EPB41L2: variants seen among roughly 807,000 people sequenced by gnomAD.
EPB41L2 encodes band 4.1-like protein 2.
Under a neutral mutation model 113.0 loss-of-function variants are expected in EPB41L2, and 43 were observed. That is an observed-to-expected ratio of 0.38 (90% CI 0.30 to 0.49). The LOEUF (loss-of-function observed/expected upper bound fraction) is 0.49. Among genes scored for constraint, EPB41L2 ranks in the 20% least tolerant of loss-of-function variants. The pLI, the probability that EPB41L2 is intolerant of heterozygous loss-of-function variation, is 0.95. For synonymous variants in EPB41L2, 442 were observed against 436.7 expected, an observed-to-expected ratio of 1.01 and a Z score of -0.15; for missense variants, 1,147 against 1,223.4, an observed-to-expected ratio of 0.94 and a Z score of 0.93.
intron 1 of EPB41L2, among the ~76,000 whole-genome samples, chr6:131,010,140 T>C (rs1050005453): frequency 6.6e-6 from 1 of 152,128 alleles, no homozygotes; most frequent in East Asian, 1.9e-4. Flanking sequence ...CATTATAGAG[T>C]TACTATTTAT....
intron 8 of EPB41L2, among the ~76,000 whole-genome samples, chr6:130,896,540 T>C (rs1794717330): frequency 6.6e-6 from 1 of 152,226 alleles, no homozygotes; most frequent in East Asian, 1.9e-4. Context: ...CCATCTCTAG[T>C]CTGAAGCAAT....
At chr6:130,979,256 TG>T (rs1778834001) in intron 1 of EPB41L2, among the ~76,000 whole-genome samples, 1 of 151,968 alleles carries the variant, frequency 6.6e-6, no homozygotes, top group African/African-American at 2.4e-5. Context: ...GAGGCTGTGG[TG>T]GGTTGACCAC....
At chr6:131,023,413 G>A (rs1208809465) in intron 1 of EPB41L2, among the ~76,000 whole-genome samples, 1 of 152,114 alleles carries the variant, frequency 6.6e-6, no homozygotes, top group African/African-American at 2.4e-5. Flanking sequence ...GGCTGGGCAC[G>A]GTGGCTCACG....
chr6:130,888,251 G>A (rs1254375207), intron 11 of EPB41L2, among the ~76,000 whole-genome samples: 1 of 152,164 alleles, frequency 6.6e-6, no homozygotes, highest in Non-Finnish European at 1.5e-5. Flanking sequence ...TTCACTGGCT[G>A]TCTGGTCATG....
chr6:131,011,239 T>C (rs1428958112), intron 1 of EPB41L2, among the ~76,000 whole-genome samples: 1 of 152,152 alleles, frequency 6.6e-6, no homozygotes, highest in East Asian at 1.9e-4. Context: ...GAGGATGAAG[T>C]AGGATAAAAC....
rs555564167 is a variant in EPB41L2, at chr6:131,016,771, CTGAACTCCAGCCTGGG to C, written c.-15+46368_-15+46383del. The stretch of plus-strand genomic sequence containing the variant: ...GTTGCAGTGAGCTGAGATCATGCCA[CTGAACTCCAGCCTGGG>C]TGACATAGGGAGACTCTCTGTCTCT... On this transcript the variant is annotated intron_variant, in intron 1 of 19. Transcript: ENST00000337057. Among the ~76,000 whole-genome samples the C allele has an allele frequency of 1.2e-3, 179 of 151,598 alleles. 4 individuals carry two copies. The highest frequency in any genetic ancestry group is 0.01 in the Admixed American group (159 of 15,216).
chr6:131,013,333 T>C (rs17059954), intron 1 of EPB41L2, among the ~76,000 whole-genome samples: 22,861 of 151,960 alleles, frequency 0.15, 2,377 homozygotes, highest in East Asian at 0.45. Flanking sequence ...GAGAAAAACA[T>C]GGATTACCAA....
At chr6:130,943,870 T>G (rs990058617) in intron 3 of EPB41L2, among the ~76,000 whole-genome samples, 1 of 152,104 alleles carries the variant, frequency 6.6e-6, no homozygotes, top group Non-Finnish European at 1.5e-5. Context: ...CCTGGTCTGA[T>G]AGCAGCTCCA....
At chr6:130,859,169 T>C (rs1413806891) in intron 18 of EPB41L2, among the ~76,000 whole-genome samples, 1 of 152,254 alleles carries the variant, frequency 6.6e-6, no homozygotes, top group Non-Finnish European at 1.5e-5. Context: ...TTATTACTCA[T>C]TTTGTTTTTA....
intron 1 of EPB41L2, chr6:131,000,749 T>C (rs901929974): frequency 1.3e-5 from 2 of 152,140 alleles, no homozygotes; most frequent in African/African-American, 2.4e-5. Flanking sequence ...TGGATTAGGA[T>C]AAACGCCTTA....
intron 1 of EPB41L2, among the ~76,000 whole-genome samples, chr6:131,039,180 AG>A (rs1393616943): frequency 7.2e-5 from 11 of 152,360 alleles, no homozygotes; most frequent in African/African-American, 2.2e-4. Context: ...CAGCATTACA[AG>A]GTTGACCTTC....
intron 1 of EPB41L2, among the ~76,000 whole-genome samples, chr6:131,046,120 T>C (rs912638252): frequency 1.3e-5 from 2 of 148,762 alleles, no homozygotes; most frequent in African/African-American, 5.0e-5. Context: ...ATGGTTTCAC[T>C]ATGTTGCCCA....
At chr6:130,874,042 A>G (rs1477202906) in intron 14 of EPB41L2, among the ~76,000 whole-genome samples, 1 of 152,184 alleles carries the variant, frequency 6.6e-6, no homozygotes, top group Non-Finnish European at 1.5e-5. Context: ...TTCGTTATCC[A>G]ATGACATACC....
At chr6:130,914,221 C>A (rs766295079) in intron 4 of EPB41L2, among the ~76,000 whole-genome samples, 21 of 152,156 alleles carry the variant, frequency 1.4e-4, no homozygotes, top group Non-Finnish European at 3.1e-4. Context: ...CAAGTACCTT[C>A]CCCAGCAGAT....
intron 1 of EPB41L2, among the ~76,000 whole-genome samples, chr6:131,025,378 T>C (rs1026864819): frequency 5.9e-5 from 9 of 152,204 alleles, no homozygotes; most frequent in African/African-American, 1.9e-4. Flanking sequence ...GCCTTTTTTA[T>C]AGACTTGTTT....
At chr6:131,000,544 TGAG>T (rs1200990195) in intron 1 of EPB41L2, 1 of 152,174 alleles carries the variant, frequency 6.6e-6, no homozygotes, top group Non-Finnish European at 1.5e-5. Flanking sequence ...TCCTTCCGTT[TGAG>T]GAGAATAACA....
chr6:130,959,207 AC>A (rs1238398068), intron 1 of EPB41L2, among the ~76,000 whole-genome samples: 1 of 152,178 alleles, frequency 6.6e-6, no homozygotes, highest in Non-Finnish European at 1.5e-5. Flanking sequence ...AATGGGGAAC[AC>A]CTGTAAAAGT....
rs949104429 is a variant in EPB41L2, at chr6:130,861,615, T to C, written c.2910+2023A>G. Among the ~76,000 whole-genome samples, 31 of 152,124 alleles carry C rather than the reference T, an allele frequency of 2.0e-4. 1 individual carries two copies. The highest frequency in any genetic ancestry group is 1.9e-3 in the Admixed American group (29 of 15,262). ...GGCCAGGTGTGGTAGCTCACGACTG[T>C]AATCCCAGCACTTTGGGATGCCGAG... On this transcript the variant is annotated intron_variant, in intron 18 of 19. Transcript: ENST00000337057.
At chr6:131,040,538 T>C (rs1419103492) in intron 1 of EPB41L2, among the ~76,000 whole-genome samples, 2 of 152,198 alleles carry the variant, frequency 1.3e-5, no homozygotes, top group Non-Finnish European at 2.9e-5. Context: ...CCCAAAGAGA[T>C]AACTGATTCA....
Sources: allele counts gnomAD v4.1 joint callset (sites outside exome capture counted in the v4.1 genomes callset), GRCh38; gene constraint gnomAD v4.1.1; transcripts MANE v1.5; gene names NCBI Gene and HGNC (gene_info 2026-07-23, HGNC 2026-07-21).